The following ZFHX3 variants were observed in gnomAD, a reference collection of about 807,000 sequenced individuals.
The protein encoded by ZFHX3 is zinc finger homeobox protein 3.
In ZFHX3, 42 loss-of-function variants were observed where a neutral mutation model predicts 279.1. That is an observed-to-expected ratio of 0.15 (90% confidence interval 0.12 to 0.19). ZFHX3 has a LOEUF of 0.19. Among genes scored for constraint, ZFHX3 ranks in the 10% least tolerant of loss-of-function variants. The pLI, the probability that ZFHX3 is intolerant of heterozygous loss-of-function variation, is 1.00. For missense variants in ZFHX3, 4,981 were observed against 4,754.0 expected, an observed-to-expected ratio of 1.05 and a Z score of -1.40; for synonymous variants, 2,293 against 1,957.8, an observed-to-expected ratio of 1.17 and a Z score of -4.52.
At chr16:73,105,872 T>C (rs922841871) in intron 7 of ZFHX3, among the ~76,000 whole-genome samples, 13 of 152,126 alleles carry the variant, frequency 8.5e-5, no homozygotes, top group Non-Finnish European at 1.0e-4. Flanking sequence ...TCGAGATTCC[T>C]TTAGATCCAG....
Position 72,786,429 on chromosome 16 carries a change from T to C in ZFHX3, c.*735A>G, listed in dbSNP as rs117951282. ...TGTGGGTTATTATTTTTTTTTTTTTTTGAAAGTGGGAGTGCTTAACTTTTC... is the reference window on the plus strand; with the variant it reads ...TGTGGGTTATTATTTTTTTTTTTTTCTGAAAGTGGGAGTGCTTAACTTTTC... On this transcript the variant is annotated 3_prime_UTR_variant, in exon 10 of 10. Transcript: ENST00000268489. The C allele has an allele frequency of 0.032, 4,827 of 151,610 alleles. 558 individuals are homozygous for C. The highest frequency in any genetic ancestry group is 0.27 in the East Asian group (1,387 of 5,110). The allele number at this position is 151,610 out of a possible 1,614,324, so 9.4% of individuals were successfully genotyped here.
At chr16:73,135,198 G>A (rs1273458496) in intron 6 of ZFHX3, among the ~76,000 whole-genome samples, 1 of 152,164 alleles carries the variant, frequency 6.6e-6, no homozygotes, top group African/African-American at 2.4e-5. Flanking sequence ...TTGCAATAGA[G>A]CTTTCTGCCC....
intron 1 of ZFHX3, among the ~76,000 whole-genome samples, chr16:73,802,318 A>G (rs1960169037): frequency 6.6e-6 from 1 of 152,192 alleles, no homozygotes. Context: ...CTCCACAGGG[A>G]AGGGAGGGGC....
chr16:73,362,483 G>A (rs2016449479), intron 3 of ZFHX3, among the ~76,000 whole-genome samples: 2 of 152,214 alleles, frequency 1.3e-5, no homozygotes, highest in Non-Finnish European at 2.9e-5. Flanking sequence ...TACAGCAGGA[G>A]CGTCTAATGG....
intron 1 of ZFHX3, among the ~76,000 whole-genome samples, chr16:73,700,786 A>G (rs901244666): frequency 6.6e-6 from 1 of 152,248 alleles, no homozygotes; most frequent in Non-Finnish European, 1.5e-5. Context: ...AACAATTTGA[A>G]TTCCAATACA....
intron 8 of ZFHX3, among the ~76,000 whole-genome samples, chr16:73,089,883 G>A (rs1966051783): frequency 6.6e-6 from 1 of 152,224 alleles, no homozygotes; most frequent in Non-Finnish European, 1.5e-5. Context: ...CCGAAGCTGT[G>A]CTTGCTTTAA....
upstream of ZFHX3, among the ~76,000 whole-genome samples, chr16:73,051,837 A>G (rs1965455684): frequency 6.6e-6 from 1 of 152,206 alleles, no homozygotes. Flanking sequence ...TTAAACAAAA[A>G]TATTATTTCT....
At chr16:72,973,988 G>C (rs1304467660) in intron 1 of ZFHX3, among the ~76,000 whole-genome samples, 1 of 152,210 alleles carries the variant, frequency 6.6e-6, no homozygotes, top group Admixed American at 6.5e-5. Flanking sequence ...TAGTTTAATA[G>C]AAAGATGAGT....
rs1341377068 is a variant in ZFHX3 at position 72,788,864 on chromosome 16, A to T, written c.9428-16T>A. 1.3e-6 allele frequency: 2 copies of T among 1,515,312 alleles called. No individual in the cohort carries two copies. The highest frequency in any genetic ancestry group is 2.8e-5 in the African/African-American group (2 of 71,560). The allele number at this position is 1,515,312 out of a possible 1,614,324, so 93.9% of individuals were successfully genotyped here. A position where few individuals can be genotyped will look rare whatever the true frequency, so the allele number is the denominator to read the frequency against. Reference sequence around the variant, plus strand: ...GACGTTAAAGCTGAAAGGAATGGAGACAGAAATCACCGGTCAGTCTGGGCA... The same window carrying T: ...GACGTTAAAGCTGAAAGGAATGGAGTCAGAAATCACCGGTCAGTCTGGGCA... On this transcript the variant is annotated splice_polypyrimidine_tract_variant and intron_variant, in intron 9 of 9. Coordinates refer to ENST00000268489, the MANE Select transcript of ZFHX3 (RefSeq NM_006885.4).
At chr16:73,742,737 T>C (rs1478940408) in intron 1 of ZFHX3, among the ~76,000 whole-genome samples, 1 of 152,142 alleles carries the variant, frequency 6.6e-6, no homozygotes, top group Non-Finnish European at 1.5e-5. Flanking sequence ...AGAATCAGGG[T>C]TCCCCTTTTT....
intron 7 of ZFHX3, chr16:73,094,548 A>C (rs1299208027): frequency 5.8e-5 from 8 of 138,680 alleles, no homozygotes; most frequent in Admixed American, 5.7e-4. Flanking sequence ...GTGGGCGCCA[A>C]AGTGGATGGT....
In ZFHX3 at chr16:73,251,864, G is replaced by A. The variant is rs537666475; in HGVS notation, c.-1104+5183C>T. 3.6e-4 allele frequency among the ~76,000 whole-genome samples: 37 copies of A among 102,218 alleles called. 1 individual carries two copies. Among genetic ancestry groups the A allele is most frequent in the Middle Eastern group, 0.015 (2 of 136 alleles). The allele number at this position is 102,218 out of a possible 152,430, so 67.1% of individuals were successfully genotyped here. ...ACACGCACATACACACCGCACACAC[G>A]CACACACCATGCACACACACCACAC... On this transcript the variant is annotated intron_variant, in intron 5 of 17. Coordinates refer to the ZFHX3 transcript ENST00000641206.
intron 1 of ZFHX3, among the ~76,000 whole-genome samples, chr16:73,772,439 T>G (rs1242672115): frequency 6.6e-6 from 1 of 152,176 alleles, no homozygotes; most frequent in African/African-American, 2.4e-5. Context: ...GGGAAAGGCC[T>G]GCCCCCATGA....
upstream of ZFHX3, chr16:73,062,072 G>A (rs576354055): frequency 6.0e-5 from 9 of 151,148 alleles, no homozygotes; most frequent in African/African-American, 1.7e-4. Flanking sequence ...ATTATTTTAC[G>A]TACAAAATGA....
chr16:73,480,136 G>A (rs58440610), intron 2 of ZFHX3, among the ~76,000 whole-genome samples: 30,841 of 150,550 alleles, frequency 0.2, 3,511 homozygotes, highest in African/African-American at 0.32. Flanking sequence ...AGATTAAATC[G>A]TCCTGGCTTC....
At chr16:73,206,772 C>T (rs1192079973) in intron 5 of ZFHX3, among the ~76,000 whole-genome samples, 1 of 152,064 alleles carries the variant, frequency 6.6e-6, no homozygotes, top group Non-Finnish European at 1.5e-5. Flanking sequence ...AATCCCAGCA[C>T]TTTGAGAGGC....
intron 3 of ZFHX3, among the ~76,000 whole-genome samples, chr16:73,367,534 G>T (rs1399442334): frequency 6.6e-6 from 1 of 152,016 alleles, no homozygotes; most frequent in Non-Finnish European, 1.5e-5. Flanking sequence ...TAGTCCTTCA[G>T]TCACCAAATG....
intron 1 of ZFHX3, among the ~76,000 whole-genome samples, chr16:73,682,427 C>A (rs2053019988): frequency 6.6e-6 from 1 of 152,114 alleles, no homozygotes; most frequent in South Asian, 2.1e-4. Context: ...AAATCCACGT[C>A]CCTTGAAATG....
intron 3 of ZFHX3, among the ~76,000 whole-genome samples, chr16:73,321,179 C>T (rs1028495994): frequency 2.6e-5 from 4 of 152,206 alleles, no homozygotes; most frequent in African/African-American, 7.2e-5. Context: ...CTGAGTCTTA[C>T]GTGATAGAAC....
Sources: allele counts gnomAD v4.1 joint callset (sites outside exome capture counted in the v4.1 genomes callset), GRCh38; gene constraint gnomAD v4.1.1; transcripts MANE v1.5; gene names NCBI Gene and HGNC (gene_info 2026-07-23, HGNC 2026-07-21).